The following AFG2B variants were observed in gnomAD, a reference collection of about 807,000 sequenced individuals.
The protein encoded by AFG2B is AAA ATPase AFG2B, also known as ATPase family gene 2 protein homolog B.
At chr15:45,419,415 T>C in the AFG2B span, among the ~76,000 whole-genome samples, 1 of 151,410 alleles carries the variant, frequency 6.6e-6, no homozygotes, top group African/African-American at 2.4e-5. Flanking sequence ...TAAGATGAGA[T>C]CGTGCCGCTG....
the AFG2B span, chr15:45,415,780 G>A: frequency 1.9e-6 from 3 of 1,612,766 alleles, no homozygotes; most frequent in South Asian, 1.1e-5. Flanking sequence ...AGTCAACAGG[G>A]TAAATACAAG....
the AFG2B span, among the ~76,000 whole-genome samples, chr15:45,407,996 G>A: frequency 6.6e-6 from 1 of 152,118 alleles, no homozygotes; most frequent in African/African-American, 2.4e-5. Flanking sequence ...GACCATTTGG[G>A]GGTGGCAAAA....
the AFG2B span, chr15:45,403,152 G>C: frequency 1.4e-6 from 2 of 1,455,298 alleles, no homozygotes; most frequent in South Asian, 1.4e-5. Context: ...TCCTGGCGGG[G>C]CCCCCCGGAG....
At chr15:45,413,307 A>G in the AFG2B span, among the ~76,000 whole-genome samples, 3 of 152,160 alleles carry the variant, frequency 2.0e-5, no homozygotes, top group African/African-American at 7.2e-5. Flanking sequence ...AGAAATCTGT[A>G]TATCTAGAGT....
the AFG2B span, chr15:45,415,738 T>C: frequency 1.9e-6 from 3 of 1,613,996 alleles, no homozygotes; most frequent in Admixed American, 5.0e-5. Flanking sequence ...GGTGTTGGAC[T>C]TAAGACAATA....
chr15:45,414,025 G>A, the AFG2B span, among the ~76,000 whole-genome samples: 5 of 152,142 alleles, frequency 3.3e-5, no homozygotes, highest in South Asian at 2.1e-4. Context: ...CTTTGCTTAC[G>A]TTCTAGCAGA....
the AFG2B span, among the ~76,000 whole-genome samples, chr15:45,411,935 A>G: frequency 1.3e-5 from 2 of 151,834 alleles, no homozygotes; most frequent in Non-Finnish European, 2.9e-5. Flanking sequence ...CATTTCTACT[A>G]AAAATGCAAA....
the AFG2B span, chr15:45,420,914 A>T: frequency 1.4e-4 from 126 of 876,602 alleles, 1 homozygote; most frequent in Non-Finnish European, 2.0e-4. Context: ...ATTGCTTGAA[A>T]CCAGAAGACG....
chr15:45,415,742 GAC>G, the AFG2B span: 1 of 1,613,936 alleles, frequency 6.2e-7, no homozygotes, highest in South Asian at 1.1e-5. Context: ...TTGGACTTAA[GAC>G]AATAGAGAGA....
the AFG2B span, among the ~76,000 whole-genome samples, chr15:45,415,029 T>G: frequency 6.6e-6 from 1 of 152,198 alleles, no homozygotes; most frequent in South Asian, 2.1e-4. Context: ...GTAGGTTTTA[T>G]ATATCTATAG....
At chr15:45,415,566 A>C in the AFG2B span, 2 of 1,604,832 alleles carry the variant, frequency 1.2e-6, no homozygotes, top group Non-Finnish European at 1.7e-6. Flanking sequence ...TAGCTTTTTA[A>C]TATTTTTTTC....
the AFG2B span, among the ~76,000 whole-genome samples, chr15:45,404,089 C>G: frequency 6.6e-6 from 1 of 152,170 alleles, no homozygotes; most frequent in African/African-American, 2.4e-5. Flanking sequence ...GTTGAATATT[C>G]AGAGCTGTCC....
the AFG2B span, chr15:45,405,581 G>T: frequency 7.0e-7 from 1 of 1,430,018 alleles, no homozygotes; most frequent in South Asian, 1.3e-5. Flanking sequence ...AAAAAAAAGC[G>T]GTGAGTACAT....
At chr15:45,415,628 T>A in the AFG2B span, 1 of 1,614,122 alleles carries the variant, frequency 6.2e-7, no homozygotes, top group Non-Finnish European at 8.5e-7. Flanking sequence ...CAATTTTGTT[T>A]TTGGATGAAA....
chr15:45,404,998 C>A, the AFG2B span, among the ~76,000 whole-genome samples: 1 of 151,962 alleles, frequency 6.6e-6, no homozygotes, highest in Non-Finnish European at 1.5e-5. Context: ...TTAGGATATC[C>A]ATCACCTCAA....
the AFG2B span, among the ~76,000 whole-genome samples, chr15:45,410,116 A>G: frequency 4.1e-4 from 62 of 152,344 alleles, no homozygotes; most frequent in African/African-American, 1.4e-3. Flanking sequence ...GTATCTGTTT[A>G]AAAGGATATA....
the AFG2B span, among the ~76,000 whole-genome samples, chr15:45,405,991 A>G: frequency 1.3e-5 from 2 of 152,172 alleles, no homozygotes; most frequent in South Asian, 4.1e-4. Context: ...ATTTGAGCAT[A>G]TACTACATCC....
the AFG2B span, among the ~76,000 whole-genome samples, chr15:45,404,807 C>CAA: frequency 1.2e-3 from 108 of 93,830 alleles, no homozygotes; most frequent in Admixed American, 6.0e-3. Context: ...AACTGTGTCT[C>CAA]AAAAAAAAAA....
chr15:45,413,543 A>G, the AFG2B span, among the ~76,000 whole-genome samples: 1 of 152,186 alleles, frequency 6.6e-6, no homozygotes, highest in Non-Finnish European at 1.5e-5. Context: ...ATTCTGTTTT[A>G]TGTTTCAAAT....
Sources: allele counts gnomAD v4.1 joint callset (sites outside exome capture counted in the v4.1 genomes callset), GRCh38; gene constraint gnomAD v4.1.1; transcripts MANE v1.5; gene names NCBI Gene and HGNC (gene_info 2026-07-23, HGNC 2026-07-21).